ATP11A: variants seen among roughly 807,000 people sequenced by gnomAD.
The protein encoded by ATP11A is ATPase phospholipid transporting 11A.
ATP11A carries 81 observed loss-of-function variants against 154.4 expected under a neutral mutation model. The ratio of observed to expected loss-of-function variants is 0.52; its 90% confidence interval spans 0.44 to 0.63. The LOEUF is 0.63. ATP11A is among the 30% of genes least tolerant of loss of function. The pLI is 0.00. For synonymous variants in ATP11A, 623 were observed against 585.9 expected (o/e 1.06, Z -0.91); for missense variants, 1,316 against 1,474.3 (o/e 0.89, Z 1.76).
At chr13:112,823,544 C>G in intron 9 of ATP11A, 135 bp downstream of exon 9, 1 of 642,404 alleles carries the variant, frequency 1.6e-6, no homozygotes, top group South Asian at 2.0e-5. Context: ...CGCGCAAGTT[C>G]TGCCCCACTG....
rs1885807105 is a variant in ATP11A, at chr13:112,696,391, C to A, written c.39+5936C>A. On this transcript the variant is annotated intron_variant, in intron 1 of 29. Coordinates refer to ENST00000375645, the MANE Select transcript of ATP11A (RefSeq NM_015205.3). The surrounding 1 kb of genome is among the most constrained non-coding windows in gnomAD (Gnocchi z 6.2). Reference sequence around the variant, plus strand: ...AGAGCGGTGGTCACTGGTGGGAACGCCCCTGCCACGCCCAGCAGCCTTTCT... The same window carrying A: ...AGAGCGGTGGTCACTGGTGGGAACGACCCTGCCACGCCCAGCAGCCTTTCT... 6.6e-6 allele frequency among the ~76,000 whole-genome samples: 1 copy of A among 152,048 alleles called. No homozygotes were observed. Among genetic ancestry groups the A allele is most frequent in the South Asian group, 2.1e-4 (1 of 4,816 alleles).
At chr13:112,741,809 G>A (rs1891581768) in intron 1 of ATP11A, among the ~76,000 whole-genome samples, 1 of 152,150 alleles carries the variant, frequency 6.6e-6, no homozygotes. Flanking sequence ...GGTATTTTGA[G>A]CCTCACAGTG....
intron 1 of ATP11A, among the ~76,000 whole-genome samples, chr13:112,714,293 T>TC (rs1888176201): frequency 6.6e-6 from 1 of 152,040 alleles, no homozygotes; most frequent in Non-Finnish European, 1.5e-5. Flanking sequence ...CCGCTGCCGC[T>TC]CCAGCTGTGT....
chr13:112,820,105 T>C (rs1203239055), intron 8 of ATP11A, among the ~76,000 whole-genome samples, 155 bp downstream of exon 8: 5 of 152,214 alleles, frequency 3.3e-5, no homozygotes, highest in Admixed American at 3.3e-4. Context: ...CTCTCGTCTC[T>C]GGTTTGTCTC....
intron 2 of ATP11A, among the ~76,000 whole-genome samples, chr13:112,791,556 C>T (rs907919292): frequency 1.3e-5 from 2 of 152,208 alleles, no homozygotes; most frequent in Admixed American, 6.5e-5. Flanking sequence ...TTGCCCATGG[C>T]GGCTTTGGAG....
chr13:112,860,069 C>G (rs575496875), intron 23 of ATP11A, among the ~76,000 whole-genome samples: 2 of 149,332 alleles, frequency 1.3e-5, no homozygotes, highest in East Asian at 3.9e-4. Flanking sequence ...GAAGTTTGTG[C>G]TGATAGAATG....
In ATP11A at chr13:112,836,214, CAGA is replaced by C. The variant is rs1196344127; in HGVS notation, c.1671_1673del (p.Arg559del). ...TGGAAATTTTGAGTTTTGACTCAGT[CAGA>C]AGGAGAATGAGTGTAATTGTAAAAT... On this transcript the variant is annotated inframe_deletion, in exon 16 of 30. Coordinates refer to ENST00000375645, the MANE Select transcript of ATP11A (RefSeq NM_015205.3). The C allele has an allele frequency of 6.2e-7, 1 of 1,612,636 alleles. No homozygotes were observed.
chr13:112,849,986 A>G (rs977250243), intron 17 of ATP11A, among the ~76,000 whole-genome samples: 3 of 152,216 alleles, frequency 2.0e-5, no homozygotes, highest in Non-Finnish European at 4.4e-5. Flanking sequence ...ACTCAGGCAC[A>G]CATAGACCCT....
intron 19 of ATP11A, among the ~76,000 whole-genome samples, chr13:112,854,792 C>T (rs148810048): frequency 6.6e-6 from 1 of 152,272 alleles, no homozygotes; most frequent in African/African-American, 2.4e-5. Flanking sequence ...CTAACAGATG[C>T]AAAAAGACAT....
At chr13:112,818,185 C>A (rs114265220) in intron 6 of ATP11A, among the ~76,000 whole-genome samples, 1 of 126,996 alleles carries the variant, frequency 7.9e-6, no homozygotes. Context: ...CGGTGACCGT[C>A]GGTGCGCTTG....
intron 17 of ATP11A, among the ~76,000 whole-genome samples, chr13:112,848,403 C>T (rs1016401046): frequency 9.2e-5 from 14 of 151,882 alleles, no homozygotes; most frequent in African/African-American, 2.9e-4. Flanking sequence ...CACTAGTTTT[C>T]GTGTGTTGAC....
intron 1 of ATP11A, among the ~76,000 whole-genome samples, chr13:112,716,581 G>T (rs1182246587): frequency 2.0e-5 from 3 of 152,222 alleles, no homozygotes; most frequent in Non-Finnish European, 4.4e-5. Flanking sequence ...CTTCCACTGT[G>T]CCGGTCTTCA....
chr13:112,701,559 G>A (rs1289301327), intron 1 of ATP11A, among the ~76,000 whole-genome samples: 4 of 152,294 alleles, frequency 2.6e-5, no homozygotes, highest in South Asian at 4.1e-4. Context: ...AGGGCCGGGC[G>A]CGGTGGCTCA....
chr13:112,879,669 T>C (rs1320198003), intron 29 of ATP11A, among the ~76,000 whole-genome samples: 1 of 152,178 alleles, frequency 6.6e-6, no homozygotes, highest in Admixed American at 6.5e-5. Flanking sequence ...CGTCCACACT[T>C]GAACAGAAAG....
intron 24 of ATP11A, 134 bp downstream of exon 24, chr13:112,860,548 T>C: frequency 9.5e-7 from 1 of 1,053,590 alleles, no homozygotes. Context: ...ATATTCTTGC[T>C]TGATCAGGAG....
intron 1 of ATP11A, among the ~76,000 whole-genome samples, chr13:112,704,124 G>T (rs1445807493): frequency 6.6e-6 from 1 of 152,242 alleles, no homozygotes; most frequent in East Asian, 1.9e-4. Flanking sequence ...GAGGGCTCGA[G>T]TGCCACACCA....
chr13:112,788,377 A>G (rs557616918), intron 2 of ATP11A, among the ~76,000 whole-genome samples: 3 of 138,332 alleles, frequency 2.2e-5, no homozygotes, highest in East Asian at 4.7e-4. Flanking sequence ...CCGGTGTCCT[A>G]ATTCACACCG....
intron 1 of ATP11A, among the ~76,000 whole-genome samples, chr13:112,784,008 C>G (rs984751645): frequency 6.6e-6 from 1 of 152,136 alleles, no homozygotes; most frequent in Admixed American, 6.5e-5. Context: ...GGCCGGTGAC[C>G]CCACAGTGGG....
chr13:112,744,830 T>C (rs936704062), intron 1 of ATP11A, among the ~76,000 whole-genome samples: 2 of 152,226 alleles, frequency 1.3e-5, no homozygotes, highest in Non-Finnish European at 2.9e-5. Flanking sequence ...CCCTACTTCA[T>C]GTAAGATATG....
Sources: allele counts gnomAD v4.1 joint callset (sites outside exome capture counted in the v4.1 genomes callset), GRCh38; gene constraint gnomAD v4.1.1; non-coding constraint Gnocchi (gnomAD v3.1); transcripts MANE v1.5; gene names NCBI Gene and HGNC (gene_info 2026-07-23, HGNC 2026-07-21).